CERS6: variants seen among roughly 807,000 people sequenced by gnomAD.
CERS6 encodes the protein ceramide synthase 6.
CERS6 carries 26 observed loss-of-function variants against 56.8 expected under a neutral mutation model. The observed-to-expected ratio is 0.46, with a 90% CI of 0.34 to 0.63. The LOEUF (loss-of-function observed/expected upper bound fraction) is 0.63. Among genes scored for constraint, CERS6 ranks in the 30% least tolerant of loss-of-function variants. CERS6 has a pLI of 0.01. For synonymous variants in CERS6, 164 were observed against 173.3 expected, an observed-to-expected ratio of 0.95 and a Z score of 0.42; for missense variants, 415 against 467.5, an observed-to-expected ratio of 0.89 and a Z score of 1.04.
At chr2:168,563,649 T>C (rs1490775975) in intron 3 of CERS6, among the ~76,000 whole-genome samples, 1 of 151,982 alleles carries the variant, frequency 6.6e-6, no homozygotes, top group Non-Finnish European at 1.5e-5. Flanking sequence ...TACAAAAAAT[T>C]AGCCAGATGT....
At chr2:168,597,148 G>A (rs1157088991) in intron 3 of CERS6, among the ~76,000 whole-genome samples, 5 of 152,172 alleles carry the variant, frequency 3.3e-5, no homozygotes, top group Non-Finnish European at 7.3e-5. Flanking sequence ...GTTTGAGGCT[G>A]AAGAAGAGAC....
intron 6 of CERS6, among the ~76,000 whole-genome samples, chr2:168,699,547 G>A (rs6709565): frequency 0.4 from 60,552 of 151,962 alleles, 13,263 homozygotes; most frequent in Non-Finnish European, 0.5. Flanking sequence ...TTGGGTTCAC[G>A]AATTTTTCTA....
intron 8 of CERS6, among the ~76,000 whole-genome samples, chr2:168,735,080 T>G (rs1337378388): frequency 6.6e-6 from 1 of 152,218 alleles, no homozygotes; most frequent in Non-Finnish European, 1.5e-5. Flanking sequence ...TACATTATTC[T>G]CAAGTGGACC....
At chr2:168,527,575 G>A (rs1695092740) in intron 1 of CERS6, among the ~76,000 whole-genome samples, 2 of 152,106 alleles carry the variant, frequency 1.3e-5, no homozygotes, top group Admixed American at 6.5e-5. Context: ...AGGCAGTGGC[G>A]GGTGTGGTGG....
intron 4 of CERS6, among the ~76,000 whole-genome samples, chr2:168,675,165 G>T (rs1002373971): frequency 6.6e-6 from 1 of 151,768 alleles, no homozygotes; most frequent in African/African-American, 2.4e-5. Context: ...GTAGAGACGG[G>T]GTTTCACCAG....
At chr2:168,470,366 G>A (rs564821840) in intron 1 of CERS6, among the ~76,000 whole-genome samples, 3 of 152,174 alleles carry the variant, frequency 2.0e-5, no homozygotes, top group Admixed American at 1.3e-4. Context: ...TCTCTGTCTC[G>A]CCCTAAGGGT....
chr2:168,738,712 G>A (rs1683789659), intron 8 of CERS6, among the ~76,000 whole-genome samples: 1 of 152,100 alleles, frequency 6.6e-6, no homozygotes, highest in African/African-American at 2.4e-5. Flanking sequence ...AATGTAAATC[G>A]TAAAAAGCTT....
chr2:168,522,609 T>C (rs1021619259), intron 1 of CERS6, among the ~76,000 whole-genome samples: 2 of 152,158 alleles, frequency 1.3e-5, no homozygotes, highest in African/African-American at 4.8e-5. Context: ...CATGGCTCAC[T>C]GCAGCCTTGA....
intron 4 of CERS6, among the ~76,000 whole-genome samples, chr2:168,635,074 C>A (rs757753341): frequency 1.3e-5 from 2 of 152,170 alleles, no homozygotes; most frequent in Non-Finnish European, 2.9e-5. Context: ...CGAGTGTAAG[C>A]TCCTTATGTT....
intron 4 of CERS6, among the ~76,000 whole-genome samples, chr2:168,642,842 T>C (rs6757373): frequency 0.28 from 42,173 of 152,156 alleles, 7,425 homozygotes; most frequent in African/African-American, 0.48. Flanking sequence ...GCATAAGAAA[T>C]GTATTCTGTT....
intron 3 of CERS6, among the ~76,000 whole-genome samples, chr2:168,619,671 C>T (rs1323989857): frequency 1.3e-5 from 2 of 151,992 alleles, no homozygotes; most frequent in African/African-American, 4.8e-5. Flanking sequence ...CACCTTATTC[C>T]TGCAAGAATG....
intron 3 of CERS6, among the ~76,000 whole-genome samples, chr2:168,589,770 G>A (rs769448888): frequency 6.6e-6 from 1 of 152,070 alleles, no homozygotes. Flanking sequence ...ACTTGTGATG[G>A]CATTTGGCAG....
chr2:168,764,276 G>T (rs1324679283), intron 8 of CERS6, among the ~76,000 whole-genome samples: 1 of 151,998 alleles, frequency 6.6e-6, no homozygotes, highest in Non-Finnish European at 1.5e-5. Context: ...CCTAGTAGCT[G>T]GGACTACAGG....
chr2:168,516,381 GT>G (rs1229527974), intron 1 of CERS6, among the ~76,000 whole-genome samples: 1 of 152,074 alleles, frequency 6.6e-6, no homozygotes, highest in Non-Finnish European at 1.5e-5. Context: ...TAATAATATT[GT>G]TATTTGATGT....
intron 1 of CERS6, among the ~76,000 whole-genome samples, chr2:168,487,615 A>T (rs1694298224): frequency 6.6e-6 from 1 of 152,330 alleles, no homozygotes; most frequent in Admixed American, 6.5e-5. Flanking sequence ...TTGCTTACCC[A>T]AAATCTACAT....
chr2:168,766,223 C>A, intron 9 of CERS6: 1 of 1,097,450 alleles, frequency 9.1e-7, no homozygotes, highest in Non-Finnish European at 1.4e-6. Flanking sequence ...GCTTCCTAAG[C>A]CTCAGCCCCA....
intron 8 of CERS6, among the ~76,000 whole-genome samples, chr2:168,727,580 C>CA (rs1360797255): frequency 6.6e-6 from 1 of 151,806 alleles, no homozygotes; most frequent in African/African-American, 2.4e-5. Context: ...AGAGGAGACT[C>CA]AGTCATCCTT....
At chr2:168,751,676 C>T (rs115774823) in intron 8 of CERS6, among the ~76,000 whole-genome samples, 191 of 152,318 alleles carry the variant, frequency 1.3e-3, no homozygotes, top group African/African-American at 4.4e-3. Context: ...TAACATTCTT[C>T]CTAAATCAAG....
chr2:168,737,682 G>A (rs1683758583), intron 8 of CERS6, among the ~76,000 whole-genome samples: 1 of 152,186 alleles, frequency 6.6e-6, no homozygotes, highest in Non-Finnish European at 1.5e-5. Context: ...GAAATATAAT[G>A]TGCATCTTCT....
Sources: allele counts gnomAD v4.1 joint callset (sites outside exome capture counted in the v4.1 genomes callset), GRCh38; gene constraint gnomAD v4.1.1; transcripts MANE v1.5; gene names NCBI Gene and HGNC (gene_info 2026-07-23, HGNC 2026-07-21).